ATP8A1: variants seen among roughly 807,000 people sequenced by gnomAD.
The protein encoded by ATP8A1 is phospholipid-transporting ATPase IA.
ATP8A1 carries 90 observed loss-of-function variants against 177.7 expected under a neutral mutation model. The ratio of observed to expected loss-of-function variants is 0.51; its 90% CI spans 0.43 to 0.60. The LOEUF (loss-of-function observed/expected upper bound fraction) is 0.60, where lower values mean the gene tolerates loss of function less well. ATP8A1 is among the 20% of genes least tolerant of loss of function. The pLI is 0.00. For missense variants in ATP8A1, 1,072 were observed against 1,392.8 expected (o/e 0.77, Z 3.67); for synonymous variants, 493 against 485.9 (o/e 1.01, Z -0.19).
intron 24 of ATP8A1, among the ~76,000 whole-genome samples, chr4:42,500,477 T>C (rs1395438513): frequency 6.6e-6 from 1 of 152,200 alleles, no homozygotes; most frequent in African/African-American, 2.4e-5. Context: ...AGCAGCACTA[T>C]AGAAAGTTAT....
rs892853038 is a variant in ATP8A1, at chr4:42,475,131, C to A, written c.2325-10055G>T. Among the ~76,000 whole-genome samples the A allele has an allele frequency of 5.5e-4, 83 of 152,132 alleles. 1 individual carries two copies. Among genetic ancestry groups the A allele is most frequent in the Admixed American group, 5.4e-3 (82 of 15,270 alleles). ...TAAGGTAAAATGGCAAATGATGAAG[C>A]TAGGATTCAATCCCAAGCAGTGTGG... is the stretch of plus-strand genomic sequence containing the variant. On this transcript the variant is annotated intron_variant, in intron 25 of 36. Coordinates refer to ENST00000381668, the MANE Select transcript of ATP8A1 (RefSeq NM_006095.2).
At chr4:42,485,372 G>C in intron 25 of ATP8A1, 124 bp downstream of exon 25, 2 of 809,034 alleles carry the variant, frequency 2.5e-6, no homozygotes, top group Non-Finnish European at 3.6e-6. Flanking sequence ...CAAGTCTTGA[G>C]TGAACACATT....
chr4:42,543,608 C>A (rs1482479665), intron 20 of ATP8A1, among the ~76,000 whole-genome samples: 2 of 152,148 alleles, frequency 1.3e-5, no homozygotes. Flanking sequence ...CATTCTAATA[C>A]AATTTTTAAA....
intron 22 of ATP8A1, among the ~76,000 whole-genome samples, chr4:42,507,729 CAAAAAAAA>C (rs34269384): frequency 2.6e-3 from 23 of 8,908 alleles, no homozygotes; most frequent in African/African-American, 5.1e-3. Flanking sequence ...GACTCCATCT[CAAAAAAAA>C]AAAAAAAAAA....
At chr4:42,472,828 CAA>C (rs902381613) in intron 25 of ATP8A1, among the ~76,000 whole-genome samples, 4 of 150,202 alleles carry the variant, frequency 2.7e-5, no homozygotes, top group African/African-American at 9.8e-5. Flanking sequence ...TTGGATTGAC[CAA>C]AGTATGTTTT....
chr4:42,574,556 G>A (rs992161564), intron 14 of ATP8A1, 63 bp downstream of exon 14: 4 of 1,347,430 alleles, frequency 3.0e-6, no homozygotes, highest in Non-Finnish European at 4.2e-6. Context: ...ACTCCCAAAT[G>A]TACCAAACTG....
intron 24 of ATP8A1, among the ~76,000 whole-genome samples, chr4:42,494,962 A>C (rs529063737): frequency 2.6e-4 from 39 of 152,352 alleles, no homozygotes; most frequent in Admixed American, 2.1e-3. Context: ...AAAAACAAAA[A>C]CACCACCAGC....
chr4:42,584,133 A>G (rs1042619387), intron 9 of ATP8A1, among the ~76,000 whole-genome samples: 6 of 152,226 alleles, frequency 3.9e-5, no homozygotes, highest in African/African-American at 1.4e-4. Flanking sequence ...CAATTACAAA[A>G]TAATGAAAAC....
chr4:42,561,589 A>G (rs1194064532), intron 15 of ATP8A1: 1 of 152,186 alleles, frequency 6.6e-6, no homozygotes, highest in Non-Finnish European at 1.5e-5. Flanking sequence ...GCCCACTCCA[A>G]TGAGTGGCTT....
chr4:42,566,809 G>A (rs1436405728), intron 15 of ATP8A1, among the ~76,000 whole-genome samples: 3 of 152,108 alleles, frequency 2.0e-5, no homozygotes, highest in Admixed American at 6.5e-5. Flanking sequence ...TCATCTACTC[G>A]TTTTTATAAT....
At chr4:42,486,140 G>A (rs1722179561) in intron 24 of ATP8A1, among the ~76,000 whole-genome samples, 1 of 152,106 alleles carries the variant, frequency 6.6e-6, no homozygotes, top group South Asian at 2.1e-4. Flanking sequence ...AACCTGACGC[G>A]TTCACCCCAC....
chr4:42,444,852 C>T (rs186426291), intron 31 of ATP8A1, among the ~76,000 whole-genome samples: 24 of 152,320 alleles, frequency 1.6e-4, no homozygotes, highest in East Asian at 9.7e-4. Context: ...ACTGCACTTC[C>T]GGCTTCCTTG....
At chr4:42,631,567 A>G (rs1738737139) in intron 1 of ATP8A1, among the ~76,000 whole-genome samples, 2 of 152,166 alleles carry the variant, frequency 1.3e-5, no homozygotes, top group South Asian at 4.1e-4. Flanking sequence ...TGTAGGACCA[A>G]CCTCTTAAAA....
rs184320088 is a variant in ATP8A1, at chr4:42,409,124, T to C, written c.*3792A>G. On this transcript the variant is annotated 3_prime_UTR_variant, in exon 37 of 37. Transcript: ENST00000381668. ...ATTTTAAATTCCAGGTAGGCCGTGA[T>C]AGAACTTTACAAGGCAGAAATAAAC... 2.6e-5 allele frequency: 4 copies of C among 152,284 alleles called. No individual in the cohort carries two copies. Among genetic ancestry groups the C allele is most frequent in the African/African-American group, 9.6e-5 (4 of 41,578 alleles). 9.4% of individuals were successfully genotyped at this position (152,284 alleles called of 1,614,324 possible).
At chr4:42,579,036 C>T (rs1384007814) in intron 11 of ATP8A1, among the ~76,000 whole-genome samples, 1 of 151,844 alleles carries the variant, frequency 6.6e-6, no homozygotes, top group African/African-American at 2.4e-5. Context: ...TTTAAAAATA[C>T]CAGTTTTTGC....
intron 33 of ATP8A1, among the ~76,000 whole-genome samples, chr4:42,439,270 A>C (rs1234164108): frequency 6.6e-6 from 1 of 152,198 alleles, no homozygotes; most frequent in Non-Finnish European, 1.5e-5. Flanking sequence ...AGAGGCATAG[A>C]ATGTAGTGCT....
chr4:42,464,999 T>C lies in ATP8A1; in HGVS notation c.2402A>G (p.Asp801Gly). The C allele has an allele frequency of 6.2e-7, 1 of 1,614,190 alleles. No individual in the cohort carries two copies. Among genetic ancestry groups the C allele is most frequent in the Non-Finnish European group, 8.5e-7 (1 of 1,180,028 alleles). ...TATCATGCTGACATCATTTGCTCCA[T>C]CACCGATTGCAAGCGTTACGACTTT... is the stretch of plus-strand genomic sequence containing the variant. The part of the protein sequence containing the change: ...QVKVVTLAIG[D>G]GANDVSMIQT... Residue 801 changes from aspartate (D) to glycine (G), a missense_variant, in exon 26 of 37, where the codon GAT becomes GGT. Around this residue, in one of 5 missense-constraint regions of ATP8A1, gnomAD observed 316 missense variants for 459.1 expected, o/e 0.69. Transcript: ENST00000381668.
At chr4:42,502,810 G>A (rs10034610) in intron 24 of ATP8A1, among the ~76,000 whole-genome samples, 183 of 152,048 alleles carry the variant, frequency 1.2e-3, no homozygotes, top group African/African-American at 4.1e-3. Context: ...TCACCTCTAC[G>A]GCTCTGTCTT....
intron 1 of ATP8A1, among the ~76,000 whole-genome samples, chr4:42,627,939 G>A (rs1367886943): frequency 6.6e-6 from 1 of 152,158 alleles, no homozygotes; most frequent in Non-Finnish European, 1.5e-5. Flanking sequence ...AGTGTTCTAT[G>A]ATGTTCAAGT....
Sources: allele counts gnomAD v4.1 joint callset (sites outside exome capture counted in the v4.1 genomes callset), GRCh38; gene constraint gnomAD v4.1.1; regional missense constraint gnomAD v4.1.1; transcripts MANE v1.5; gene names NCBI Gene and HGNC (gene_info 2026-07-23, HGNC 2026-07-21).